The following CATSPERT variants were observed in gnomAD, a reference collection of about 807,000 sequenced individuals.
The protein encoded by CATSPERT is catsper channel auxiliary subunit tau.
the CATSPERT span, among the ~76,000 whole-genome samples, chr2:201,590,142 C>G: frequency 2.2e-3 from 334 of 151,854 alleles, 1 homozygote; most frequent in Admixed American, 3.9e-3. Context: ...CTCCTCCCCC[C>G]ACCCCACAAC....
the CATSPERT span, among the ~76,000 whole-genome samples, chr2:201,600,554 G>A: frequency 1.4e-4 from 22 of 151,864 alleles, no homozygotes; most frequent in African/African-American, 5.3e-4. Context: ...CCTACATGTT[G>A]TGCACATGTA....
chr2:201,561,594 G>C, the CATSPERT span, among the ~76,000 whole-genome samples: 1 of 152,094 alleles, frequency 6.6e-6, no homozygotes, highest in Non-Finnish European at 1.5e-5. Flanking sequence ...AATATAGGCT[G>C]GGCTTGGTGG....
At chr2:201,585,543 T>A in the CATSPERT span, among the ~76,000 whole-genome samples, 1 of 151,958 alleles carries the variant, frequency 6.6e-6, no homozygotes, top group Non-Finnish European at 1.5e-5. Context: ...TAAGAAAAGT[T>A]AAAGTGGCAA....
chr2:201,616,911 A>G, the CATSPERT span, among the ~76,000 whole-genome samples: 1 of 152,320 alleles, frequency 6.6e-6, no homozygotes, highest in Admixed American at 6.5e-5. Flanking sequence ...CTATACACCA[A>G]TAACAGACAA....
the CATSPERT span, among the ~76,000 whole-genome samples, chr2:201,618,541 A>T: frequency 1.1e-4 from 14 of 125,524 alleles, no homozygotes; most frequent in African/African-American, 3.9e-4. Flanking sequence ...GGGGAACATC[A>T]CACACCACGG....
the CATSPERT span, chr2:201,536,103 A>G: frequency 6.2e-7 from 1 of 1,613,320 alleles, no homozygotes; most frequent in Non-Finnish European, 8.5e-7. Context: ...TACATTTTTC[A>G]TTTTTCTGTC....
chr2:201,505,365 GCCA>G, the CATSPERT span, among the ~76,000 whole-genome samples: 2 of 152,124 alleles, frequency 1.3e-5, no homozygotes, highest in Non-Finnish European at 1.5e-5. Context: ...ACAGGTGTGA[GCCA>G]CTGCACCCGG....
chr2:201,498,794 T>C, the CATSPERT span, among the ~76,000 whole-genome samples: 1 of 152,158 alleles, frequency 6.6e-6, no homozygotes, highest in Non-Finnish European at 1.5e-5. Context: ...CAAACACTGC[T>C]GGCAGCACTG....
chr2:201,538,736 G>A, the CATSPERT span, among the ~76,000 whole-genome samples: 1 of 151,916 alleles, frequency 6.6e-6, no homozygotes, highest in South Asian at 2.1e-4. Flanking sequence ...TGTGTCATGG[G>A]GGTTTGTTGG....
chr2:201,545,420 A>G, the CATSPERT span: 2 of 622,360 alleles, frequency 3.2e-6, no homozygotes, highest in Admixed American at 3.4e-5. Context: ...CTATAGTGAA[A>G]TGCCTATTTA....
At chr2:201,577,336 A>G in the CATSPERT span, among the ~76,000 whole-genome samples, 1 of 152,180 alleles carries the variant, frequency 6.6e-6, no homozygotes, top group African/African-American at 2.4e-5. Flanking sequence ...TCTGGAAAAT[A>G]CTATGGGTGT....
At chr2:201,487,987 G>T in the CATSPERT span, 1 of 1,124,746 alleles carries the variant, frequency 8.9e-7, no homozygotes, top group Non-Finnish European at 1.2e-6. Context: ...TGACATGGAT[G>T]GTCAAAAGAA....
At chr2:201,613,120 G>A in the CATSPERT span, among the ~76,000 whole-genome samples, 1 of 152,156 alleles carries the variant, frequency 6.6e-6, no homozygotes, top group African/African-American at 2.4e-5. Context: ...CTCCACCTCT[G>A]GGGGGCAGGG....
chr2:201,543,504 T>C, the CATSPERT span, among the ~76,000 whole-genome samples: 1 of 152,204 alleles, frequency 6.6e-6, no homozygotes, highest in Non-Finnish European at 1.5e-5. Flanking sequence ...TTTCCCTTTA[T>C]TTTCTTATCC....
chr2:201,487,672 A>G, the CATSPERT span: 5 of 1,613,646 alleles, frequency 3.1e-6, no homozygotes, highest in Admixed American at 5.0e-5. Context: ...CTGATGTTTT[A>G]TCATTTATAT....
At chr2:201,508,699 G>A in the CATSPERT span, among the ~76,000 whole-genome samples, 1 of 152,142 alleles carries the variant, frequency 6.6e-6, no homozygotes, top group Non-Finnish European at 1.5e-5. Context: ...AGCCATGATC[G>A]CACTCATAAT....
At chr2:201,613,770 G>A in the CATSPERT span, among the ~76,000 whole-genome samples, 1 of 152,174 alleles carries the variant, frequency 6.6e-6, no homozygotes, top group African/African-American at 2.4e-5. Context: ...CGAGCTAAAG[G>A]AGGATGTTCG....
chr2:201,510,533 G>T, the CATSPERT span, among the ~76,000 whole-genome samples: 1 of 152,154 alleles, frequency 6.6e-6, no homozygotes, highest in Non-Finnish European at 1.5e-5. Context: ...AGCCTCTGAG[G>T]CAGTGTCAAG....
At chr2:201,542,637 T>C in the CATSPERT span, among the ~76,000 whole-genome samples, 3 of 152,226 alleles carry the variant, frequency 2.0e-5, no homozygotes, top group African/African-American at 7.2e-5. Context: ...TGTATACCCA[T>C]TGGACACTTG....
Sources: gnomAD v4.1 joint callset for allele counts (sites outside exome capture counted in the v4.1 genomes callset) on GRCh38, gnomAD v4.1.1 for gene constraint, MANE v1.5 for transcripts, NCBI Gene and HGNC (gene_info 2026-07-23, HGNC 2026-07-21) for gene names.